The following SPACA3 variants were observed in gnomAD, a reference collection of about 807,000 sequenced individuals.
SPACA3 encodes the protein sperm acrosome membrane-associated protein 3.
In SPACA3, 21 loss-of-function variants were observed where a neutral mutation model predicts 24.5. That is an observed-to-expected ratio of 0.86 (90% confidence interval 0.61 to 1.24). The LOEUF (loss-of-function observed/expected upper bound fraction) is 1.24, where lower values mean the gene tolerates loss of function less well. Ranked by LOEUF, SPACA3 falls within the 50% of genes most tolerant of loss-of-function variation. SPACA3 has a pLI of 0.00. For synonymous variants in SPACA3, 115 were observed against 106.9 expected (o/e 1.08, Z -0.47); for missense variants, 278 against 275.5 (o/e 1.01, Z -0.06).
chr17:32,992,185 A>AC (rs2091693840), intron 1 of SPACA3, among the ~76,000 whole-genome samples: 1 of 57,160 alleles, frequency 1.7e-5, no homozygotes, highest in Non-Finnish European at 3.3e-5. Flanking sequence ...TCACTTTTCT[A>AC]CAAAAAAAAA....
intron 2 of SPACA3, among the ~76,000 whole-genome samples, chr17:32,995,965 G>A (rs574783351): frequency 6.6e-6 from 1 of 152,328 alleles, no homozygotes; most frequent in Non-Finnish European, 1.5e-5. Context: ...GGGGTCAAAG[G>A]AAACAAACAG....
Position 32,997,859 on chromosome 17 carries a change from A to C in SPACA3, c.*81A>C. 6.9e-7 allele frequency: 1 copy of C among 1,453,390 alleles called. No individual in the cohort carries two copies. The highest frequency in any genetic ancestry group is 9.7e-7 in the Non-Finnish European group (1 of 1,035,150). 90.0% of individuals were successfully genotyped at this position (1,453,390 alleles called of 1,614,324 possible). On this transcript the variant is annotated 3_prime_UTR_variant, in exon 5 of 5. Coordinates refer to ENST00000269053, the MANE Select transcript of SPACA3 (RefSeq NM_173847.5). ...GCTTGGGAAGACAAGCCAGCGAATA[A>C]AGGATGGTTGAACGTGAATATGGCT...
chr17:32,992,775 G>C, intron 1 of SPACA3: 1 of 416,872 alleles, frequency 2.4e-6, no homozygotes, highest in South Asian at 1.9e-5. Context: ...GAACAAGGTG[G>C]CACTGCTGAA....
chr17:32,997,689 T>C, intron 4 of SPACA3, 23 bp from the exon 5 acceptor site: 1 of 1,613,000 alleles, frequency 6.2e-7, no homozygotes, highest in Non-Finnish European at 8.5e-7. Flanking sequence ...TTATCTCTCC[T>C]CTTCCCTGTT....
chr17:32,994,490 C>T (rs1330895482), intron 1 of SPACA3, among the ~76,000 whole-genome samples: 1 of 152,154 alleles, frequency 6.6e-6, no homozygotes, highest in Non-Finnish European at 1.5e-5. Context: ...GGTTGGAGAC[C>T]AGGGACACCA....
rs964245921 is a variant in SPACA3, at chr17:32,995,399, C to T, written c.35-10C>T. The T allele has an allele frequency of 6.3e-7, 1 of 1,579,718 alleles. No homozygotes were observed. Among genetic ancestry groups the T allele is most frequent in the Admixed American group, 1.7e-5 (1 of 57,696 alleles). On this transcript the variant is annotated splice_polypyrimidine_tract_variant and intron_variant, in intron 1 of 4. Coordinates refer to ENST00000269053, the MANE Select transcript of SPACA3 (RefSeq NM_173847.5). ...TCTGCCCACCCCTTCTCTCCTCTCC[C>T]CTTTCCCAGGGGTGCACTCAAGCCC... is the stretch of plus-strand genomic sequence containing the variant.
chr17:32,994,219 T>G (rs2091708792), intron 1 of SPACA3, among the ~76,000 whole-genome samples: 1 of 152,128 alleles, frequency 6.6e-6, no homozygotes, highest in Non-Finnish European at 1.5e-5. Context: ...TAGTTGTAGT[T>G]CATAACAGAA....
At chr17:32,994,264 CG>C (rs1157897325) in intron 1 of SPACA3, among the ~76,000 whole-genome samples, 1 of 152,138 alleles carries the variant, frequency 6.6e-6, no homozygotes, top group Non-Finnish European at 1.5e-5. Flanking sequence ...CCAAGAGCTA[CG>C]CTGTGCCCAC....
intron 2 of SPACA3, among the ~76,000 whole-genome samples, chr17:32,996,460 G>T (rs2091722298): frequency 6.9e-6 from 1 of 145,830 alleles, no homozygotes; most frequent in African/African-American, 2.6e-5. Flanking sequence ...CTACACTGCA[G>T]CCTGGGCAAC....
In SPACA3 at chr17:32,996,954, G is replaced by A; in HGVS notation, c.455G>A (p.Ser152Asn). Residue 152 changes from serine (S) to asparagine (N), a missense_variant, in exon 3 of 5, where the codon AGC becomes AAC. Coordinates refer to ENST00000269053, the MANE Select transcript of SPACA3 (RefSeq NM_173847.5). ...CAGATCAACAGCCGGAGGTGGTGCA[G>A]CAACCTCACCCCGAACGTCCCCAAC... ...IFQINSRRWC[S>N]NLTPNVPNVC... 1.9e-6 allele frequency: 3 copies of A among 1,602,308 alleles called. No individual in the cohort carries two copies. Among genetic ancestry groups the A allele is most frequent in the African/African-American group, 1.3e-5 (1 of 74,676 alleles).
intron 1 of SPACA3, 74 bp from the exon 2 acceptor site, chr17:32,995,335 A>T: frequency 7.1e-7 from 1 of 1,403,002 alleles, no homozygotes; most frequent in Non-Finnish European, 9.7e-7. Context: ...GCTGATCAGG[A>T]ATGCAAGGGG....
chr17:32,993,843 G>C (rs2091706523), intron 1 of SPACA3, among the ~76,000 whole-genome samples: 1 of 152,054 alleles, frequency 6.6e-6, no homozygotes, highest in South Asian at 2.1e-4. Flanking sequence ...AACGGTGCTA[G>C]CGCGCCGGGA....
intron 1 of SPACA3, among the ~76,000 whole-genome samples, chr17:32,992,180 T>G (rs1262574476): frequency 9.0e-6 from 1 of 111,192 alleles, no homozygotes; most frequent in Non-Finnish European, 1.8e-5. Flanking sequence ...TTAAGTCACT[T>G]TTCTACAAAA....
At chr17:32,997,343 G>GTGTGTA (rs2091728372) in intron 3 of SPACA3, 102 bp from the exon 4 acceptor site, 1 of 561,210 alleles carries the variant, frequency 1.8e-6, no homozygotes, top group East Asian at 3.5e-5. Context: ...GTGTGTGTGT[G>GTGTGTA]TAGAGAGAGA....
At chr17:32,992,107 A>G in intron 1 of SPACA3, 135 bp downstream of exon 1, 2 of 770,502 alleles carry the variant, frequency 2.6e-6, no homozygotes, top group Non-Finnish European at 4.1e-6. Context: ...CAGCTGAGAG[A>G]GGAGAGAGAG....
intron 1 of SPACA3, chr17:32,992,799 A>AT (rs1185862321): frequency 6.8e-6 from 3 of 442,716 alleles, no homozygotes; most frequent in Non-Finnish European, 1.4e-5. Flanking sequence ...TAACGTGTGA[A>AT]TGAGGGAGTG....
chr17:32,997,088 T>C, intron 3 of SPACA3, 87 bp downstream of exon 3: 1 of 1,407,604 alleles, frequency 7.1e-7, no homozygotes, highest in Admixed American at 2.5e-5. Context: ...TACCCCCATC[T>C]CTGAGTGAGG....
chr17:32,994,290 A>T (rs1255089578), intron 1 of SPACA3, among the ~76,000 whole-genome samples: 1 of 152,120 alleles, frequency 6.6e-6, no homozygotes, highest in African/African-American at 2.4e-5. Context: ...TTTCTCATTT[A>T]TTCTTCCAAC....
chr17:32,995,078 G>C (rs1333393722), intron 1 of SPACA3, among the ~76,000 whole-genome samples: 1 of 152,178 alleles, frequency 6.6e-6, no homozygotes, highest in African/African-American at 2.4e-5. Flanking sequence ...TGGGCTGAGA[G>C]ACCCATGAAC....
Sources: gnomAD v4.1 joint callset for allele counts (sites outside exome capture counted in the v4.1 genomes callset) on GRCh38, gnomAD v4.1.1 for gene constraint, MANE v1.5 for transcripts, NCBI Gene and HGNC (gene_info 2026-07-23, HGNC 2026-07-21) for gene names.